NCDN: variants seen among roughly 807,000 people sequenced by gnomAD.
NCDN encodes the protein norbin.
In NCDN, 9 loss-of-function variants were observed where a neutral mutation model predicts 60.7. The ratio of observed to expected loss-of-function variants is 0.15; its 90% CI spans 0.09 to 0.26. NCDN has a LOEUF of 0.26. NCDN is among the 10% of genes least tolerant of loss of function. The pLI is 1.00. For missense variants in NCDN, 578 were observed against 975.2 expected (o/e 0.59, Z 5.42); for synonymous variants, 409 against 442.5 (o/e 0.92, Z 0.95).
At chr1:35,559,051 A>AACCCC in intron 1 of NCDN, 56 bp from the exon 2 acceptor site, 1 of 315,848 alleles carries the variant, frequency 3.2e-6, no homozygotes, top group Non-Finnish European at 5.9e-6. Context: ...TCTCACCCCC[A>AACCCC]CCCCACCCCC....
At chr1:35,559,736 G>GA (rs1379795484) in intron 2 of NCDN, among the ~76,000 whole-genome samples, 1 of 137,702 alleles carries the variant, frequency 7.3e-6, no homozygotes, top group Non-Finnish European at 1.6e-5. Context: ...GCAGTGCTAG[G>GA]AAGGGGGGGT....
Position 35,557,807 on chromosome 1 carries a change from A to G in NCDN, c.-384A>G. 1.9e-6 allele frequency: 1 copy of G among 515,924 alleles called. No individual in the cohort carries two copies. The highest frequency in any genetic ancestry group is 3.8e-6 in the Non-Finnish European group (1 of 266,372). 32.0% of individuals were successfully genotyped at this position (515,924 alleles called of 1,614,324 possible). On this transcript the variant is annotated 5_prime_UTR_variant, in exon 1 of 7. Coordinates refer to ENST00000373243, the MANE Select transcript of NCDN (RefSeq NM_014284.3). Reference sequence around the variant, plus strand: ...AGCAGCCTGGAGCCAGGAGTGGGCAACGCGGCGTGAGCAGCGGCCCGAGGC... The same window carrying G: ...AGCAGCCTGGAGCCAGGAGTGGGCAGCGCGGCGTGAGCAGCGGCCCGAGGC...
Position 35,558,224 on chromosome 1 carries a change from G to T in NCDN, c.33+1G>T. The stretch of plus-strand genomic sequence containing the variant: ...TTGTGACCTGGCTGCGGCGGGACAG[G>T]TGGTGACCGCCAGGAACCCTCCTCC... On this transcript the variant is annotated splice_donor_variant, in intron 1 of 6. Coordinates refer to ENST00000373243, the MANE Select transcript of NCDN (RefSeq NM_014284.3). LOFTEE classifies it high-confidence loss of function. The surrounding 1 kb of genome is among the most constrained non-coding windows in gnomAD (Gnocchi z 6.3). The T allele has an allele frequency of 1.2e-6, 2 of 1,614,036 alleles. No homozygotes were observed. Among genetic ancestry groups the T allele is most frequent in the Non-Finnish European group, 1.7e-6 (2 of 1,179,996 alleles).
chr1:35,558,738 C>A lies in NCDN; in HGVS notation c.34-369C>A. ...CTCACCACTCACTCCCTCTGTGTCCCTGTGGAGGGAGATAAAACCCAGCCT... is the reference window on the plus strand; with the variant it reads ...CTCACCACTCACTCCCTCTGTGTCCATGTGGAGGGAGATAAAACCCAGCCT... On this transcript the variant is annotated intron_variant, in intron 1 of 6. Transcript: ENST00000373243. The surrounding 1 kb of genome is among the most constrained non-coding windows in gnomAD (Gnocchi z 6.3). The A allele has an allele frequency of 8.7e-7, 1 of 1,145,748 alleles. No individual in the cohort carries two copies. The highest frequency in any genetic ancestry group is 2.8e-5 in the South Asian group (1 of 35,888). 71.0% of individuals were successfully genotyped at this position (1,145,748 alleles called of 1,614,324 possible).
rs987012722 is a variant in NCDN, at chr1:35,563,666, G to T, written c.1611-101G>T. 7.0e-6 allele frequency: 10 copies of T among 1,437,282 alleles called. No homozygotes were observed. The African/African-American group carries it at 1.3e-4, about 18-fold the overall frequency. 89.0% of individuals were successfully genotyped at this position (1,437,282 alleles called of 1,614,324 possible). A position where few individuals can be genotyped will look rare whatever the true frequency, so the allele number is the denominator to read the frequency against. ...CTGCCCCCCAGATGCTATGTTTGGG[G>T]CCCAAAGTTAATCACCCTACTGCCT... On this transcript the variant is annotated intron_variant, in intron 5 of 6. Coordinates refer to ENST00000373243, the MANE Select transcript of NCDN (RefSeq NM_014284.3). The surrounding 1 kb of genome is among the most constrained non-coding windows in gnomAD (Gnocchi z 6.6).
rs75570396 is a variant in NCDN, at chr1:35,561,961, T to C, written c.1144-431T>C. Among the ~76,000 whole-genome samples the C allele has an allele frequency of 0.05, 7,578 of 152,260 alleles. 417 individuals carry two copies. The highest frequency in any genetic ancestry group is 0.13 in the African/African-American group (5,427 of 41,528). Reference sequence around the variant, plus strand: ...AGAGAGCATCCCCTCACTCCCACCATTGGGAGCAGTTACACAGTAGCCAGG... The same window carrying C: ...AGAGAGCATCCCCTCACTCCCACCACTGGGAGCAGTTACACAGTAGCCAGG... On this transcript the variant is annotated intron_variant, in intron 3 of 6. Transcript: ENST00000373243. This position sits in a 1 kb window ranked among gnomAD's most constrained non-coding sequence, Gnocchi z 4.9.
chr1:35,565,780 C>T lies in NCDN; in HGVS notation c.*117C>T, dbSNP rs1258649806. 8.5e-7 allele frequency: 1 copy of T among 1,175,222 alleles called. No homozygotes were observed. Among genetic ancestry groups the T allele is most frequent in the Non-Finnish European group, 1.2e-6 (1 of 860,046 alleles). 72.8% of individuals were successfully genotyped at this position (1,175,222 alleles called of 1,614,324 possible). On this transcript the variant is annotated 3_prime_UTR_variant, in exon 7 of 7. Transcript: ENST00000373243. The surrounding 1 kb of genome is among the most constrained non-coding windows in gnomAD (Gnocchi z 8.9). ...CCCCAGACTTCCTCCCCAAAACACC[C>T]CAGCTTTCTGGCTTTTCTGAGGGCA...
Position 35,563,123 on chromosome 1 carries a change from G to T in NCDN, c.1386-79G>T. The T allele has an allele frequency of 7.7e-7, 1 of 1,304,352 alleles. No homozygotes were observed. Among genetic ancestry groups the T allele is most frequent in the Non-Finnish European group, 1.0e-6 (1 of 957,660 alleles). 80.8% of individuals were successfully genotyped at this position (1,304,352 alleles called of 1,614,324 possible). The stretch of plus-strand genomic sequence containing the variant: ...TCTCCCCTACTTCCATTTCTCTTAG[G>T]CAAGGTGCCCTAAAAAGGGAATCTA... On this transcript the variant is annotated intron_variant, in intron 4 of 6. Transcript: ENST00000373243. This position sits in a 1 kb window ranked among gnomAD's most constrained non-coding sequence, Gnocchi z 6.6.
At chr1:35,564,924 C>T (rs1571087563) in intron 6 of NCDN, among the ~76,000 whole-genome samples, 1 of 152,154 alleles carries the variant, frequency 6.6e-6, no homozygotes, top group African/African-American at 2.4e-5. Flanking sequence ...CTGTGACTCA[C>T]CCCCACCTCC....
rs189073433 is a variant in NCDN, at chr1:35,565,110, G to T, written c.1754-117G>T. 4 of 1,053,830 alleles carry T rather than the reference G, an allele frequency of 3.8e-6. No homozygotes were observed. The highest frequency in any genetic ancestry group is 5.5e-6 in the Non-Finnish European group (4 of 726,104). The allele number at this position is 1,053,830 out of a possible 1,614,324, so 65.3% of individuals were successfully genotyped here. On this transcript the variant is annotated intron_variant, in intron 6 of 6. Coordinates refer to ENST00000373243, the MANE Select transcript of NCDN (RefSeq NM_014284.3). This position sits in a 1 kb window ranked among gnomAD's most constrained non-coding sequence, Gnocchi z 8.9. ...CTAAGGCAGGGTTTCAACGCAGGCA[G>T]TCTGATTCCAGGCTGTGCCCTGGCT...
chr1:35,557,829 A>G lies in NCDN; in HGVS notation c.-362A>G. ...GCAACGCGGCGTGAGCAGCGGCCCG[A>G]GGCTCCCGGAGCATCGCGCTGGGAG... On this transcript the variant is annotated 5_prime_UTR_variant, in exon 1 of 7. Transcript: ENST00000373243. The G allele has an allele frequency of 1.8e-6, 1 of 543,716 alleles. No homozygotes were observed. 33.7% of individuals were successfully genotyped at this position (543,716 alleles called of 1,614,324 possible). A position where few individuals can be genotyped will look rare whatever the true frequency, so the allele number is the denominator to read the frequency against.
chr1:35,561,491 C>T lies in NCDN; in HGVS notation c.1143+197C>T, dbSNP rs1648704424. 6.6e-6 allele frequency among the ~76,000 whole-genome samples: 1 copy of T among 152,036 alleles called. No individual in the cohort carries two copies. Among genetic ancestry groups the T allele is most frequent in the Non-Finnish European group, 1.5e-5 (1 of 67,988 alleles). On this transcript the variant is annotated intron_variant, in intron 3 of 6. Coordinates refer to ENST00000373243, the MANE Select transcript of NCDN (RefSeq NM_014284.3). The surrounding 1 kb of genome is among the most constrained non-coding windows in gnomAD (Gnocchi z 4.9). Reference sequence around the variant, plus strand: ...CCCTCCCTCCACACAAGCACCATACCACACACCATATGTGCACTCACATCA... The same window carrying T: ...CCCTCCCTCCACACAAGCACCATACTACACACCATATGTGCACTCACATCA...
rs752697777 is a variant in NCDN, at chr1:35,561,301, G to A, written c.1143+7G>A. 1 of 1,571,594 alleles carries A rather than the reference G, an allele frequency of 6.4e-7. No homozygotes were observed. The highest frequency in any genetic ancestry group is 8.6e-7 in the Non-Finnish European group (1 of 1,162,734). ...TATCCACTACCTGCTGCAGGTGAGG[G>A]TGCAGTGACCCACAGAGGGGGCCCA... On this transcript the variant is annotated splice_region_variant and intron_variant, in intron 3 of 6. Coordinates refer to ENST00000373243, the MANE Select transcript of NCDN (RefSeq NM_014284.3). This position sits in a 1 kb window ranked among gnomAD's most constrained non-coding sequence, Gnocchi z 4.9.
At position 35,558,551 on chromosome 1, in the gene NCDN, A is replaced by C. The variant is rs1648509895; in HGVS notation, c.33+328A>C. On this transcript the variant is annotated intron_variant, in intron 1 of 6. Transcript: ENST00000373243. The surrounding 1 kb of genome is among the most constrained non-coding windows in gnomAD (Gnocchi z 6.3). ...GGTGGGGTCCCCAAAGGGGCCTCCA[A>C]GCCTTCCCTGTTGAGCGTCTTGTAT... 5.3e-6 allele frequency: 7 copies of C among 1,319,604 alleles called. No individual in the cohort carries two copies. In the East Asian group the frequency reaches 1.2e-4, roughly 23 times the overall value. 81.7% of individuals were successfully genotyped at this position (1,319,604 alleles called of 1,614,324 possible). A position where few individuals can be genotyped will look rare whatever the true frequency, so the allele number is the denominator to read the frequency against.
Position 35,565,477 on chromosome 1 carries a change from C to G in NCDN, c.2004C>G (p.Leu668=), listed in dbSNP as rs1648841284. ...ALRSRWPQEL[L]QLLGSVSPNS... ...GCTCCCGCTGGCCGCAGGAGCTGCT[C>G]CAGCTGCTAGGCAGTGTCAGCCCCA... Residue 668 remains leucine (L), a synonymous_variant, in exon 7 of 7, where the codon CTC becomes CTG. Transcript: ENST00000373243. This position sits in a 1 kb window ranked among gnomAD's most constrained non-coding sequence, Gnocchi z 8.9. 3 of 1,601,014 alleles carry G rather than the reference C, an allele frequency of 1.9e-6. No individual in the cohort carries two copies. The East Asian group carries it at 6.8e-5, about 36-fold the overall frequency.
At position 35,561,171 on chromosome 1, in the gene NCDN, C is replaced by T. The variant is rs1269241101; in HGVS notation, c.1020C>T (p.Leu340=). ...KEDVVTACYA[L]MELGIQECTR... ...ATGTGGTGACCGCCTGCTATGCCCT[C>T]ATGGAGTTGGGGATCCAGGAATGCA... The change falls in exon 3 of 7, where the codon CTC becomes CTT. Residue 340 remains leucine (L), a synonymous_variant. Coordinates refer to ENST00000373243, the MANE Select transcript of NCDN (RefSeq NM_014284.3). This position sits in a 1 kb window ranked among gnomAD's most constrained non-coding sequence, Gnocchi z 4.9. 1.2e-6 allele frequency: 2 copies of T among 1,607,814 alleles called. No individual in the cohort carries two copies. Among genetic ancestry groups the T allele is most frequent in the East Asian group, 4.5e-5 (2 of 44,674 alleles).
In NCDN at chr1:35,565,182, G is replaced by A; in HGVS notation, c.1754-45G>A. ...GACTAGGGAAGGGTCTGACACAGCA[G>A]CTGGCCTGTCCGATTCATGCCCCAC... On this transcript the variant is annotated intron_variant, in intron 6 of 6. Transcript: ENST00000373243. The surrounding 1 kb of genome is among the most constrained non-coding windows in gnomAD (Gnocchi z 8.9). The A allele has an allele frequency of 6.4e-7, 1 of 1,551,786 alleles. No individual in the cohort carries two copies. Among genetic ancestry groups the A allele is most frequent in the Non-Finnish European group, 8.8e-7 (1 of 1,140,046 alleles).
In NCDN at chr1:35,558,249, C is replaced by T; in HGVS notation, c.33+26C>T. ...GTGGTGACCGCCAGGAACCCTCCTC[C>T]CCTTCTCATCTCCCCATCTCAGCAG... is the stretch of plus-strand genomic sequence containing the variant. On this transcript the variant is annotated intron_variant, in intron 1 of 6. Transcript: ENST00000373243. The surrounding 1 kb of genome is among the most constrained non-coding windows in gnomAD (Gnocchi z 6.3). The T allele has an allele frequency of 1.2e-6, 2 of 1,613,996 alleles. No individual in the cohort carries two copies. The highest frequency in any genetic ancestry group is 1.7e-6 in the Non-Finnish European group (2 of 1,179,950).
intron 2 of NCDN, 74 bp downstream of exon 2, chr1:35,559,321 T>C: frequency 1.3e-6 from 2 of 1,583,666 alleles, no homozygotes; most frequent in Non-Finnish European, 8.7e-7. Context: ...GGTCAGTGAG[T>C]CCCCAAGGAT....
Sources: gnomAD v4.1 joint callset for allele counts (sites outside exome capture counted in the v4.1 genomes callset) on GRCh38, gnomAD v4.1.1 for gene constraint, Gnocchi (gnomAD v3.1) non-coding constraint, MANE v1.5 for transcripts, NCBI Gene and HGNC (gene_info 2026-07-23, HGNC 2026-07-21) for gene names.